The following ZC2HC1B variants were observed in gnomAD, a reference collection of about 807,000 sequenced individuals.
ZC2HC1B encodes zinc finger C2HC-type containing 1B.
In ZC2HC1B, 36 loss-of-function variants were observed where a neutral mutation model predicts 31.0. That is an observed-to-expected ratio of 1.16 (90% CI 0.89 to 1.54). The LOEUF (loss-of-function observed/expected upper bound fraction) is 1.54, where lower values mean the gene tolerates loss of function less well. ZC2HC1B is among the 40% of genes most tolerant of loss of function. ZC2HC1B has a pLI of 0.00. For synonymous variants in ZC2HC1B, 73 were observed against 88.0 expected (o/e 0.83, Z 0.95); for missense variants, 260 against 268.6 (o/e 0.97, Z 0.22).
At chr6:143,881,456 T>C (rs181981261) in intron 1 of ZC2HC1B, among the ~76,000 whole-genome samples, 13 of 137,296 alleles carry the variant, frequency 9.5e-5, no homozygotes, top group Non-Finnish European at 1.5e-5. Flanking sequence ...GAAGCTGAGG[T>C]GGGAGGATTG....
In ZC2HC1B at chr6:143,878,245, G is replaced by A. The variant is rs569812611; in HGVS notation, c.29-6059G>A. Among the ~76,000 whole-genome samples the A allele has an allele frequency of 3.3e-5, 5 of 150,950 alleles. No individual in the cohort carries two copies. In the South Asian group the frequency reaches 6.4e-4, roughly 19 times the overall value. Reference sequence around the variant, plus strand: ...GTTTTAGTGTTCATAATGTACTCAAGTTCCTTCCATGGGCTATTTAGTGCC... The same window carrying A: ...GTTTTAGTGTTCATAATGTACTCAAATTCCTTCCATGGGCTATTTAGTGCC... On this transcript the variant is annotated intron_variant, in intron 1 of 7. Coordinates refer to ENST00000237275, the MANE Select transcript of ZC2HC1B (RefSeq NM_001013623.3).
intron 1 of ZC2HC1B, among the ~76,000 whole-genome samples, chr6:143,881,458 G>T (rs1369074357): frequency 6.6e-6 from 1 of 150,668 alleles, no homozygotes; most frequent in Admixed American, 6.6e-5. Flanking sequence ...AGCTGAGGTG[G>T]GAGGATTGCT....
In ZC2HC1B at chr6:143,885,593, T is replaced by C. The variant is rs938670264; in HGVS notation, c.91-439T>C. ...AAGCTACTGTGTCAATGATGGTTAT[T>C]ATGTGTCACACATCCACGAAGGGAG... On this transcript the variant is annotated intron_variant, in intron 2 of 7. Transcript: ENST00000237275. The surrounding 1 kb of genome is among the most constrained non-coding windows in gnomAD (Gnocchi z 4.2). 3.3e-5 allele frequency among the ~76,000 whole-genome samples: 5 copies of C among 152,194 alleles called. No homozygotes were observed. The highest frequency in any genetic ancestry group is 6.5e-5 in the Admixed American group (1 of 15,282).
At chr6:143,877,869 C>T (rs1777426094) in intron 1 of ZC2HC1B, among the ~76,000 whole-genome samples, 1 of 150,270 alleles carries the variant, frequency 6.7e-6, no homozygotes, top group South Asian at 2.2e-4. Flanking sequence ...TTACATTTTG[C>T]CCTGAGGGTA....
chr6:143,929,688 G>A (rs1213827218), intron 6 of ZC2HC1B, among the ~76,000 whole-genome samples: 1 of 152,010 alleles, frequency 6.6e-6, no homozygotes, highest in African/African-American at 2.4e-5. Context: ...CTGTGAATCT[G>A]TCTGCTCCTG....
rs374520574 is a variant in ZC2HC1B, at chr6:143,893,873, A to G, written c.350-4679A>G. 3.5e-4 allele frequency among the ~76,000 whole-genome samples: 53 copies of G among 152,100 alleles called. 1 individual carries two copies. In the East Asian group the frequency reaches 1.0e-2, roughly 29 times the overall value. On this transcript the variant is annotated intron_variant, in intron 4 of 7. Coordinates refer to ENST00000237275, the MANE Select transcript of ZC2HC1B (RefSeq NM_001013623.3). The stretch of plus-strand genomic sequence containing the variant: ...AGCTAATGTTTTGTATTTTCAGTAG[A>G]GACAGGATTTCACCGTGTTAGCCAG...
Position 143,886,185 on chromosome 6 carries a change from A to G in ZC2HC1B, c.210+34A>G, listed in dbSNP as rs1777529085. 6.7e-7 allele frequency: 1 copy of G among 1,492,344 alleles called. No homozygotes were observed. The highest frequency in any genetic ancestry group is 1.4e-5 in the South Asian group (1 of 72,544). The allele number at this position is 1,492,344 out of a possible 1,614,324, so 92.4% of individuals were successfully genotyped here. On this transcript the variant is annotated intron_variant, in intron 3 of 7. Coordinates refer to ENST00000237275, the MANE Select transcript of ZC2HC1B (RefSeq NM_001013623.3). This position sits in a 1 kb window ranked among gnomAD's most constrained non-coding sequence, Gnocchi z 4.2. Reference sequence around the variant, plus strand: ...GATATCTTCTTTAGTGTTTGTTATTACATTCTGCGGTACTGTAAGGCCTAT... The same window carrying G: ...GATATCTTCTTTAGTGTTTGTTATTGCATTCTGCGGTACTGTAAGGCCTAT...
intron 6 of ZC2HC1B, among the ~76,000 whole-genome samples, chr6:143,912,618 T>A (rs978471411): frequency 1.4e-4 from 22 of 152,196 alleles, no homozygotes; most frequent in Non-Finnish European, 7.3e-5. Flanking sequence ...CAGCCAACTT[T>A]TTTCCTCTAG....
At chr6:143,910,661 TA>T (rs1182538296) in intron 6 of ZC2HC1B, among the ~76,000 whole-genome samples, 1 of 152,218 alleles carries the variant, frequency 6.6e-6, no homozygotes, top group Non-Finnish European at 1.5e-5. Context: ...ATTGGGTGCA[TA>T]TATATTTAGG....
chr6:143,907,880 G>C (rs529674011), intron 6 of ZC2HC1B, among the ~76,000 whole-genome samples: 26 of 152,142 alleles, frequency 1.7e-4, no homozygotes, highest in Non-Finnish European at 3.1e-4. Flanking sequence ...GTATTGCCTA[G>C]ATTTTCTTCT....
At chr6:143,937,605 T>A (rs1355096129) in intron 6 of ZC2HC1B, 44 bp from the exon 7 acceptor site, 6 of 1,469,188 alleles carry the variant, frequency 4.1e-6, no homozygotes, top group Non-Finnish European at 5.5e-6. Flanking sequence ...TTCTTGGTAA[T>A]GTTCTGCTTT....
rs547337715 is a variant in ZC2HC1B at position 143,931,462 on chromosome 6, G to T, written c.599-6187G>T. On this transcript the variant is annotated intron_variant, in intron 6 of 7. Transcript: ENST00000237275. Reference sequence around the variant, plus strand: ...TATGCTTTAAAGAGGTTCTATTTTGGTGTATTTGGAGGTTTTAAGGTTTAA... The same window carrying T: ...TATGCTTTAAAGAGGTTCTATTTTGTTGTATTTGGAGGTTTTAAGGTTTAA... Among the ~76,000 whole-genome samples, 201 of 152,192 alleles carry T rather than the reference G, an allele frequency of 1.3e-3. 1 individual carries two copies. The highest frequency in any genetic ancestry group is 8.3e-3 in the South Asian group (40 of 4,814).
At position 143,918,583 on chromosome 6, in the gene ZC2HC1B, A is replaced by C. The variant is rs1404811960; in HGVS notation, c.598+15431A>C. Among the ~76,000 whole-genome samples, 1 of 151,980 alleles carries C rather than the reference A, an allele frequency of 6.6e-6. No individual in the cohort carries two copies. Among genetic ancestry groups the C allele is most frequent in the Non-Finnish European group, 1.5e-5 (1 of 67,980 alleles). ...ACTTTTAGTTTTTGAATGATTCTTA[A>C]ATGTTTATAGTCATGTCTTTTGTTA... is the stretch of plus-strand genomic sequence containing the variant. On this transcript the variant is annotated intron_variant, in intron 6 of 7. Transcript: ENST00000237275. This position sits in a 1 kb window ranked among gnomAD's most constrained non-coding sequence, Gnocchi z 4.1.
At chr6:143,900,293 G>T (rs1003107887) in intron 5 of ZC2HC1B, among the ~76,000 whole-genome samples, 3 of 151,700 alleles carry the variant, frequency 2.0e-5, no homozygotes, top group Non-Finnish European at 4.4e-5. Flanking sequence ...TGAGGCTGAG[G>T]CAGGAGAATT....
Position 143,892,052 on chromosome 6 carries a change from C to A in ZC2HC1B, c.349+5231C>A, listed in dbSNP as rs188199993. Among the ~76,000 whole-genome samples the A allele has an allele frequency of 6.6e-5, 10 of 152,236 alleles. No individual in the cohort carries two copies. In the East Asian group the frequency reaches 1.9e-3, roughly 29 times the overall value. On this transcript the variant is annotated intron_variant, in intron 4 of 7. Transcript: ENST00000237275. ...GGAAAAATGAACCTTGATTCTTATA[C>A]CATTGTCTTAATCTGTTTGTGTTGC...
In ZC2HC1B at chr6:143,923,748, AG is replaced by A. The variant is rs1159238243; in HGVS notation, c.599-13900del. Among the ~76,000 whole-genome samples the A allele has an allele frequency of 6.6e-6, 1 of 152,134 alleles. No homozygotes were observed. Among genetic ancestry groups the A allele is most frequent in the Non-Finnish European group, 1.5e-5 (1 of 67,996 alleles). The stretch of plus-strand genomic sequence containing the variant: ...ATTCTTAATGGCTTTGTTGAAAATC[AG>A]TTAGCTGTAAATACATGCATGTATT... On this transcript the variant is annotated intron_variant, in intron 6 of 7. Transcript: ENST00000237275. This position sits in a 1 kb window ranked among gnomAD's most constrained non-coding sequence, Gnocchi z 4.8.
At position 143,886,724 on chromosome 6, in the gene ZC2HC1B, A is replaced by T; in HGVS notation, c.252A>T (p.Glu84Asp). The T allele has an allele frequency of 6.5e-7, 1 of 1,547,482 alleles. No individual in the cohort carries two copies. The highest frequency in any genetic ancestry group is 8.7e-7 in the Non-Finnish European group (1 of 1,145,054). ...AGTCTAACTGGAGACAACAACATGA[A>T]GACTTTATTAATGCAATCCGATCAG... ...VRKSNWRQQH[E>D]DFINAIRSAK... The change falls in exon 4 of 8, where the codon GAA becomes GAT. Residue 84 changes from glutamate to aspartate, a missense_variant. Coordinates refer to ENST00000237275, the MANE Select transcript of ZC2HC1B (RefSeq NM_001013623.3). This position sits in a 1 kb window ranked among gnomAD's most constrained non-coding sequence, Gnocchi z 4.2.
rs753617036 is a variant in ZC2HC1B, at chr6:143,868,973, C to T, written c.28+4406C>T. Among the ~76,000 whole-genome samples the T allele has an allele frequency of 1.3e-5, 2 of 152,154 alleles. No homozygotes were observed. Among genetic ancestry groups the T allele is most frequent in the Non-Finnish European group, 2.9e-5 (2 of 68,010 alleles). On this transcript the variant is annotated intron_variant, in intron 1 of 7. Transcript: ENST00000237275. The surrounding 1 kb of genome is among the most constrained non-coding windows in gnomAD (Gnocchi z 4.2). ...TTTTTAACAAAAGAAGGAGGAAATA[C>T]TAATGACAATTACAGTCCTCATTTC...
chr6:143,879,122 A>G (rs1237086009), intron 1 of ZC2HC1B, among the ~76,000 whole-genome samples: 1 of 152,146 alleles, frequency 6.6e-6, no homozygotes, highest in Non-Finnish European at 1.5e-5. Context: ...CGCCTGCCTC[A>G]GTTTTAGAGG....
Sources: gnomAD v4.1 joint callset for allele counts (sites outside exome capture counted in the v4.1 genomes callset) on GRCh38, gnomAD v4.1.1 for gene constraint, Gnocchi (gnomAD v3.1) non-coding constraint, MANE v1.5 for transcripts, NCBI Gene and HGNC (gene_info 2026-07-23, HGNC 2026-07-21) for gene names.